SF3A2: variants seen among roughly 807,000 people sequenced by gnomAD.
The protein encoded by SF3A2 is splicing factor 3a subunit 2.
A neutral mutation model predicts 31.1 loss-of-function variants in SF3A2; 5 were observed. The observed-to-expected ratio is 0.16, with a 90% CI of 0.08 to 0.34. The LOEUF is 0.34. Ranked by LOEUF, SF3A2 falls within the 10% of genes least tolerant of loss-of-function variation. The probability of loss-of-function intolerance (pLI) is 1.00; values close to 1 mark genes in which losing one functional copy is unlikely to be tolerated. For synonymous variants in SF3A2, 365 were observed against 263.7 expected (o/e 1.38, Z -3.72); for missense variants, 577 against 643.9 (o/e 0.90, Z 1.13).
Position 2,246,970 on chromosome 19 carries a change from G to A in SF3A2, c.494G>A (p.Arg165His). 1 of 1,607,544 alleles carries A rather than the reference G, an allele frequency of 6.2e-7. No homozygotes were observed. The highest frequency in any genetic ancestry group is 8.5e-7 in the Non-Finnish European group (1 of 1,178,724). Residue 165 changes from arginine (R) to histidine (H), a missense_variant, in exon 7 of 9, where the codon CGC (arginine) becomes CAC (histidine). By Grantham distance (29) the Arg-to-His change is conservative. Transcript: ENST00000221494. This position sits in a 1 kb window ranked among gnomAD's most constrained non-coding sequence, Gnocchi z 5.5. The stretch of plus-strand genomic sequence containing the variant: ...CAGAGGATCGAGCCTCCGGACCGGC[G>A]CTGGCAGTACCTGCTCATGGCCGCC... Reference protein sequence around the residue: ...YEQRIEPPDRRWQYLLMAAEP... With the variant: ...YEQRIEPPDRHWQYLLMAAEP...
intron 3 of SF3A2, 33 bp from the exon 4 acceptor site, chr19:2,244,700 C>A (rs1032069996): frequency 1.2e-6 from 2 of 1,613,624 alleles, no homozygotes; most frequent in Non-Finnish European, 1.7e-6. Context: ...GTCCGCCCGG[C>A]CTCGAGTCAT....
chr19:2,247,703 C>G (rs1458408874), intron 8 of SF3A2, 41 bp downstream of exon 8: 3 of 1,611,858 alleles, frequency 1.9e-6, no homozygotes, highest in Non-Finnish European at 8.5e-7. Context: ...CCCACCCAGC[C>G]CTGGCGGCCC....
intron 1 of SF3A2, 34 bp from the exon 2 acceptor site, chr19:2,243,348 G>A: frequency 2.1e-6 from 3 of 1,453,056 alleles, no homozygotes; most frequent in African/African-American, 1.5e-5. Flanking sequence ...CGAGTTCTGA[G>A]CCATCTTCCT....
Position 2,245,504 on chromosome 19 carries a change from G to A in SF3A2, c.304G>A (p.Val102Ile). 2 of 1,551,242 alleles carry A rather than the reference G, an allele frequency of 1.3e-6. No individual in the cohort carries two copies. The highest frequency in any genetic ancestry group is 1.7e-6 in the Non-Finnish European group (2 of 1,146,942). Reference protein sequence around the residue: ...EAPAQPAPEKVKVEVKKFVKI... With the variant: ...EAPAQPAPEKIKVEVKKFVKI... ...CCCTGCCCAGCCCGCGCCTGAGAAGGTCAAGGTGGAGGTGAAGAAGTTTGT... is the reference window on the plus strand; with the variant it reads ...CCCTGCCCAGCCCGCGCCTGAGAAGATCAAGGTGGAGGTGAAGAAGTTTGT... Residue 102 changes from valine to isoleucine, a missense_variant, in exon 5 of 9, where the codon GTC becomes ATC. This residue lies in a region of SF3A2 where 17 missense variants were observed against 113.8 expected (regional missense o/e 0.15). Transcript: ENST00000221494. This position sits in a 1 kb window ranked among gnomAD's most constrained non-coding sequence, Gnocchi z 4.2.
At position 2,247,925 on chromosome 19, in the gene SF3A2, C is replaced by A; in HGVS notation, c.774C>A (p.Gly258=). ...CTTTGCCACCGCCCCCGCCAGGAGG[C>A]CTGCCTCTGCCACCCATGCCCCCCA... ...PESLPPPPPG[G]LPLPPMPPTG... The change falls in exon 9 of 9, where the codon GGC becomes GGA. Residue 258 remains glycine, a synonymous_variant. Coordinates refer to ENST00000221494, the MANE Select transcript of SF3A2 (RefSeq NM_007165.5). 6.4e-7 allele frequency: 1 copy of A among 1,552,384 alleles called. No homozygotes were observed. Among genetic ancestry groups the A allele is most frequent in the Non-Finnish European group, 8.8e-7 (1 of 1,141,814 alleles).
Position 2,245,049 on chromosome 19 carries a change from G to A in SF3A2, c.245+270G>A. ...AAAATACAAAAATTAGGCCAGGCATGGTGGCACACGTCTGTAATCACAGCT... is the reference window on the plus strand; with the variant it reads ...AAAATACAAAAATTAGGCCAGGCATAGTGGCACACGTCTGTAATCACAGCT... On this transcript the variant is annotated intron_variant, in intron 4 of 8. Transcript: ENST00000221494. The surrounding 1 kb of genome is among the most constrained non-coding windows in gnomAD (Gnocchi z 4.2). The A allele has an allele frequency of 1.8e-6, 1 of 551,334 alleles. No homozygotes were observed. Among genetic ancestry groups the A allele is most frequent in the Non-Finnish European group, 3.2e-6 (1 of 307,904 alleles). The allele number at this position is 551,334 out of a possible 1,614,324, so 34.2% of individuals were successfully genotyped here.
At chr19:2,244,936 G>A in intron 4 of SF3A2, 157 bp downstream of exon 4, 1 of 670,332 alleles carries the variant, frequency 1.5e-6, no homozygotes, top group South Asian at 1.8e-5. Context: ...TTAGAGAACA[G>A]AGGCATGGAT....
chr19:2,247,056 GA>G lies in SF3A2; in HGVS notation c.546+35del, dbSNP rs760528325. The G allele has an allele frequency of 8.9e-5, 102 of 1,143,606 alleles. No homozygotes were observed. In the Middle Eastern group the frequency reaches 1.2e-3, roughly 13 times the overall value. 70.8% of individuals were successfully genotyped at this position (1,143,606 alleles called of 1,614,324 possible). On this transcript the variant is annotated intron_variant, in intron 7 of 8. Coordinates refer to ENST00000221494, the MANE Select transcript of SF3A2 (RefSeq NM_007165.5). ...GCTGCGGGGTTCCCTGGGCCCCCTT[GA>G]GATGTGCAAGCCAGAAGGATCTGCA...
At chr19:2,243,258 C>T (rs1392892037) in intron 1 of SF3A2, 124 bp from the exon 2 acceptor site, 4 of 742,698 alleles carry the variant, frequency 5.4e-6, no homozygotes, top group African/African-American at 3.7e-5. Context: ...CTGGTTAGAC[C>T]CTGGCGCTGG....
In SF3A2 at chr19:2,248,003, TCCAGGGGTCCACCCCCCGGCC is replaced by T. The variant is rs1169963501; in HGVS notation, c.857_877del (p.Gly286_Pro292del). ...GACCACCCCAGCTACCCCCGCCAGC[TCCAGGGGTCCACCCCCCGGCC>T]CCAGTGGTGCATCCCCCTGCATCTG... is the stretch of plus-strand genomic sequence containing the variant. On this transcript the variant is annotated inframe_deletion, in exon 9 of 9. Coordinates refer to ENST00000221494, the MANE Select transcript of SF3A2 (RefSeq NM_007165.5). The T allele has an allele frequency of 1.2e-6, 1 of 838,306 alleles. No individual in the cohort carries two copies. Among genetic ancestry groups the T allele is most frequent in the Non-Finnish European group, 1.8e-6 (1 of 559,520 alleles). The allele number at this position is 838,306 out of a possible 1,614,324, so 51.9% of individuals were successfully genotyped here.
chr19:2,248,077 A>G lies in SF3A2; in HGVS notation c.926A>G (p.His309Arg). 2.4e-6 allele frequency: 2 copies of G among 849,700 alleles called. No individual in the cohort carries two copies. Among genetic ancestry groups the G allele is most frequent in the Non-Finnish European group, 3.6e-6 (2 of 563,102 alleles). 52.6% of individuals were successfully genotyped at this position (849,700 alleles called of 1,614,324 possible). ...GTCCATCCCCCAGCTCCTGGCGTCCACCCCCCAGCTCCTGGCGTCCATCCC... is the reference window on the plus strand; with the variant it reads ...GTCCATCCCCCAGCTCCTGGCGTCCGCCCCCCAGCTCCTGGCGTCCATCCC... ...SGVHPPAPGV[H>R]PPAPGVHPPA... The change falls in exon 9 of 9, where the codon CAC becomes CGC. Residue 309 changes from histidine to arginine, a missense_variant. Transcript: ENST00000221494.
intron 1 of SF3A2, among the ~76,000 whole-genome samples, chr19:2,242,581 C>A (rs148548590): frequency 2.0e-5 from 3 of 152,312 alleles, no homozygotes; most frequent in South Asian, 2.1e-4. Context: ...ATGTGGACAT[C>A]TTTTGGGGGC....
At position 2,247,597 on chromosome 19, in the gene SF3A2, C is replaced by T; in HGVS notation, c.550C>T (p.Pro184Ser). 2 of 1,613,238 alleles carry T rather than the reference C, an allele frequency of 1.2e-6. No individual in the cohort carries two copies. Among genetic ancestry groups the T allele is most frequent in the Non-Finnish European group, 1.7e-6 (2 of 1,179,704 alleles). ...EPYETIAFKVPSREIDKAEGK... is the reference protein window; with the variant it reads ...EPYETIAFKVSSREIDKAEGK... ...TCTCTGTCCCCCGCCCTCCCAGGTG[C>T]CGAGCAGAGAGATCGACAAGGCGGA... The change falls in exon 8 of 9, where the codon CCG (proline) becomes TCG (serine). Residue 184 changes from proline to serine, a missense_variant. Coordinates refer to ENST00000221494, the MANE Select transcript of SF3A2 (RefSeq NM_007165.5).
intron 1 of SF3A2, among the ~76,000 whole-genome samples, chr19:2,238,822 C>T (rs1216463157): frequency 6.6e-6 from 1 of 152,190 alleles, no homozygotes; most frequent in Non-Finnish European, 1.5e-5. Flanking sequence ...CCAAATGGGA[C>T]TGGTTGTGCT....
intron 2 of SF3A2, among the ~76,000 whole-genome samples, chr19:2,244,032 G>A (rs905533370): frequency 1.3e-5 from 2 of 152,234 alleles, no homozygotes; most frequent in Non-Finnish European, 2.9e-5. Flanking sequence ...TGCCACAGCC[G>A]CAGATGGTGG....
Position 2,247,926 on chromosome 19 carries a change from C to A in SF3A2, c.775C>A (p.Leu259Met). 6.5e-7 allele frequency: 1 copy of A among 1,550,340 alleles called. No homozygotes were observed. Among genetic ancestry groups the A allele is most frequent in the Non-Finnish European group, 8.8e-7 (1 of 1,139,824 alleles). The change falls in exon 9 of 9, where the codon CTG (leucine) becomes ATG (methionine). Residue 259 changes from leucine (L) to methionine (M), a missense_variant. This residue lies in a region of SF3A2 where 462 missense variants were observed against 339.1 expected (regional missense o/e 1.36). Coordinates refer to ENST00000221494, the MANE Select transcript of SF3A2 (RefSeq NM_007165.5). ...TTTGCCACCGCCCCCGCCAGGAGGC[C>A]TGCCTCTGCCACCCATGCCCCCCAC... The part of the protein sequence containing the change: ...ESLPPPPPGG[L>M]PLPPMPPTGP...
At position 2,248,067 on chromosome 19, in the gene SF3A2, C is replaced by A; in HGVS notation, c.916C>A (p.Pro306Thr). ...TGCATCTGGGGTCCATCCCCCAGCT[C>A]CTGGCGTCCACCCCCCAGCTCCTGG... is the stretch of plus-strand genomic sequence containing the variant. ...PPASGVHPPA[P>T]GVHPPAPGVH... is the part of the protein sequence containing the mutation. Residue 306 changes from proline (P) to threonine (T), a missense_variant, in exon 9 of 9, where the codon CCT (proline) becomes ACT (threonine). Coordinates refer to ENST00000221494, the MANE Select transcript of SF3A2 (RefSeq NM_007165.5). 3 of 925,426 alleles carry A rather than the reference C, an allele frequency of 3.2e-6. No homozygotes were observed. The highest frequency in any genetic ancestry group is 5.0e-6 in the Non-Finnish European group (3 of 600,648). 57.3% of individuals were successfully genotyped at this position (925,426 alleles called of 1,614,324 possible).
chr19:2,242,187 A>G (rs2024896497), intron 1 of SF3A2, among the ~76,000 whole-genome samples: 1 of 146,444 alleles, frequency 6.8e-6, no homozygotes, highest in African/African-American at 2.5e-5. Context: ...ACCTGCGGCC[A>G]CTGTGCCCTG....
At position 2,246,187 on chromosome 19, in the gene SF3A2, C is replaced by G. The variant is rs1294575514; in HGVS notation, c.356-566C>G. Among the ~76,000 whole-genome samples the G allele has an allele frequency of 6.6e-6, 1 of 152,140 alleles. No individual in the cohort carries two copies. Among genetic ancestry groups the G allele is most frequent in the Non-Finnish European group, 1.5e-5 (1 of 68,012 alleles). On this transcript the variant is annotated intron_variant, in intron 5 of 8. Coordinates refer to ENST00000221494, the MANE Select transcript of SF3A2 (RefSeq NM_007165.5). This position sits in a 1 kb window ranked among gnomAD's most constrained non-coding sequence, Gnocchi z 5.5. ...GGGCGAGGGTGGCTAGAGCGGCAGG[C>G]TCCTGGTGGGGAGGCCCTGACAGGT... is the stretch of plus-strand genomic sequence containing the variant.
Sources: allele counts gnomAD v4.1 joint callset (sites outside exome capture counted in the v4.1 genomes callset), GRCh38; gene constraint gnomAD v4.1.1; regional missense constraint gnomAD v4.1.1; non-coding constraint Gnocchi (gnomAD v3.1); transcripts MANE v1.5; gene names NCBI Gene and HGNC (gene_info 2026-07-23, HGNC 2026-07-21).